SAMD5: variants seen among roughly 807,000 people sequenced by gnomAD.
SAMD5 encodes sterile alpha motif domain containing 5, also known as sterile alpha motif domain-containing protein 5.
In SAMD5, 13 loss-of-function variants were observed where a neutral mutation model predicts 11.3. The observed-to-expected ratio is 1.15, with a 90% CI of 0.75 to 1.83. The LOEUF (loss-of-function observed/expected upper bound fraction) is 1.83, where lower values mean the gene tolerates loss of function less well. SAMD5 is among the 40% of genes most tolerant of loss of function. The probability of loss-of-function intolerance (pLI) is 0.00; values close to 1 mark genes in which losing one functional copy is unlikely to be tolerated. For missense variants in SAMD5, 255 were observed against 239.1 expected (o/e 1.07, Z -0.44); for synonymous variants, 129 against 111.3 (o/e 1.16, Z -1.00).
intron 1 of SAMD5, chr6:147,733,813 T>A: frequency 1.1e-6 from 1 of 943,118 alleles, no homozygotes; most frequent in Non-Finnish European, 1.3e-6. Context: ...AGTTTTAAGG[T>A]AAGCCGCTGA....
At chr6:147,724,625 A>C (rs188645657) in intron 1 of SAMD5, among the ~76,000 whole-genome samples, 186 of 152,284 alleles carry the variant, frequency 1.2e-3, no homozygotes, top group African/African-American at 4.3e-3. Flanking sequence ...CCCCCTGTGG[A>C]GATCCTGCTG....
rs1328466210 is a variant in SAMD5, at chr6:147,564,882, G to C, written c.*426G>C. On this transcript the variant is annotated 3_prime_UTR_variant, in exon 2 of 2. Transcript: ENST00000367474. ...TTATTTCCAAATTTGCTTTTAACTT[G>C]AGAACAGTAGCTTTAATTTTTATAT... The C allele has an allele frequency of 1.1e-6, 1 of 886,796 alleles. No homozygotes were observed. The highest frequency in any genetic ancestry group is 6.1e-5 in the Admixed American group (1 of 16,326). The allele number at this position is 886,796 out of a possible 1,614,324, so 54.9% of individuals were successfully genotyped here.
intron 1 of SAMD5, among the ~76,000 whole-genome samples, chr6:147,531,863 C>A (rs768075689): frequency 6.6e-6 from 1 of 151,850 alleles, no homozygotes; most frequent in Non-Finnish European, 1.5e-5. Flanking sequence ...GAAATTTGTA[C>A]GAGATTATAT....
intron 1 of SAMD5, among the ~76,000 whole-genome samples, chr6:147,634,346 C>T (rs570385746): frequency 8.3e-4 from 126 of 152,234 alleles, no homozygotes; most frequent in Non-Finnish European, 1.6e-3. Context: ...GGAGGTTGTA[C>T]ACACACTTTT....
At chr6:147,688,524 T>C (rs1453733851) in intron 1 of SAMD5, among the ~76,000 whole-genome samples, 1 of 152,232 alleles carries the variant, frequency 6.6e-6, no homozygotes, top group Non-Finnish European at 1.5e-5. Flanking sequence ...GGTCTATTTC[T>C]AGTTCATTCT....
intron 1 of SAMD5, chr6:147,733,774 G>A (rs1791753772): frequency 1.0e-6 from 1 of 978,782 alleles, no homozygotes; most frequent in African/African-American, 1.7e-5. Context: ...GGGCACATAT[G>A]GTTATCACAG....
At chr6:147,773,068 C>T in the SAMD5 span, among the ~76,000 whole-genome samples, 81 of 152,274 alleles carry the variant, frequency 5.3e-4, no homozygotes, top group Admixed American at 1.3e-3. Flanking sequence ...TTCACAAACC[C>T]AGTACTCTCA....
At chr6:147,735,975 A>G (rs1196482115) in intron 1 of SAMD5, among the ~76,000 whole-genome samples, 1 of 152,148 alleles carries the variant, frequency 6.6e-6, no homozygotes, top group African/African-American at 2.4e-5. Context: ...CATCTGTAAA[A>G]TGTGACTAAT....
intron 1 of SAMD5, among the ~76,000 whole-genome samples, chr6:147,716,992 T>G (rs1393254220): frequency 3.9e-5 from 6 of 152,176 alleles, no homozygotes; most frequent in African/African-American, 1.4e-4. Context: ...TCTCCATACA[T>G]CTCTCCATAA....
At chr6:147,683,572 T>C (rs1790969668) in intron 1 of SAMD5, among the ~76,000 whole-genome samples, 1 of 152,194 alleles carries the variant, frequency 6.6e-6, no homozygotes, top group Non-Finnish European at 1.5e-5. Flanking sequence ...CTTTTTCTCT[T>C]ACAGTGAGAA....
intron 1 of SAMD5, chr6:147,733,930 T>C (rs1583158273): frequency 6.3e-6 from 1 of 157,692 alleles, no homozygotes. Context: ...TCCTCAAAAT[T>C]GGAACTAATC....
chr6:147,679,289 A>G (rs1790907343), intron 1 of SAMD5, among the ~76,000 whole-genome samples: 1 of 152,176 alleles, frequency 6.6e-6, no homozygotes, highest in Non-Finnish European at 1.5e-5. Context: ...ATGAGAGTTC[A>G]GTAGCTTTAC....
At chr6:147,916,209 A>G in the SAMD5 span, among the ~76,000 whole-genome samples, 3 of 152,100 alleles carry the variant, frequency 2.0e-5, no homozygotes, top group Admixed American at 6.5e-5. Flanking sequence ...GCCGCAATAA[A>G]CATACATGTG....
intron 1 of SAMD5, among the ~76,000 whole-genome samples, chr6:147,686,349 G>T (rs1791011066): frequency 6.6e-6 from 1 of 152,082 alleles, no homozygotes; most frequent in African/African-American, 2.4e-5. Flanking sequence ...ACCTTTGCCA[G>T]TTCCAAGGTC....
intron 1 of SAMD5, among the ~76,000 whole-genome samples, chr6:147,609,547 CT>C (rs1053071207): frequency 6.6e-6 from 1 of 151,522 alleles, no homozygotes; most frequent in African/African-American, 2.4e-5. Flanking sequence ...CATATTTAAT[CT>C]TTTTTTTTAA....
chr6:147,944,509 C>T, the SAMD5 span, among the ~76,000 whole-genome samples: 279 of 152,328 alleles, frequency 1.8e-3, no homozygotes, highest in African/African-American at 6.2e-3. Context: ...CCACCGGTTT[C>T]CTCCCCTAAC....
the SAMD5 span, among the ~76,000 whole-genome samples, chr6:147,904,525 G>A: frequency 6.6e-6 from 1 of 152,318 alleles, no homozygotes; most frequent in African/African-American, 2.4e-5. Flanking sequence ...AACCATTACA[G>A]TGTGGGTCTG....
chr6:147,918,472 C>A, the SAMD5 span, among the ~76,000 whole-genome samples: 1 of 152,008 alleles, frequency 6.6e-6, no homozygotes, highest in African/African-American at 2.4e-5. Flanking sequence ...TCCTATTCAA[C>A]ATAGTGTTGG....
At chr6:147,635,849 A>G (rs1243408738) in intron 1 of SAMD5, among the ~76,000 whole-genome samples, 3 of 152,210 alleles carry the variant, frequency 2.0e-5, no homozygotes, top group Admixed American at 2.0e-4. Flanking sequence ...CTGACTTTCA[A>G]CCTGAAGGTC....
Sources: allele counts gnomAD v4.1 joint callset (sites outside exome capture counted in the v4.1 genomes callset), GRCh38; gene constraint gnomAD v4.1.1; transcripts MANE v1.5; gene names NCBI Gene and HGNC (gene_info 2026-07-23, HGNC 2026-07-21).